NDST3: variants seen among roughly 807,000 people sequenced by gnomAD.
The protein encoded by NDST3 is N-deacetylase and N-sulfotransferase 3.
A neutral mutation model predicts 96.1 loss-of-function variants in NDST3; 58 were observed. That is an observed-to-expected ratio of 0.60 (90% confidence interval 0.49 to 0.75). The LOEUF (loss-of-function observed/expected upper bound fraction) is 0.75, where lower values mean the gene tolerates loss of function less well. Ranked by LOEUF, NDST3 falls within the 30% of genes least tolerant of loss-of-function variation. NDST3 has a pLI of 0.00. For synonymous variants in NDST3, 333 were observed against 359.7 expected (o/e 0.93, Z 0.84); for missense variants, 788 against 1,034.2 (o/e 0.76, Z 3.27).
chr4:118,047,221 T>C (rs1197155874), intron 1 of NDST3, among the ~76,000 whole-genome samples: 2 of 152,226 alleles, frequency 1.3e-5, no homozygotes, highest in Admixed American at 1.3e-4. Flanking sequence ...ATAGAGAGGC[T>C]TGGGCATGTG....
At chr4:118,152,046 T>C (rs1734434722) in intron 6 of NDST3, among the ~76,000 whole-genome samples, 1 of 152,230 alleles carries the variant, frequency 6.6e-6, no homozygotes, top group African/African-American at 2.4e-5. Flanking sequence ...ACCTAGTTTT[T>C]TATTTTGCAT....
intron 6 of NDST3, among the ~76,000 whole-genome samples, chr4:118,218,421 A>C (rs1393954513): frequency 6.6e-6 from 1 of 152,204 alleles, no homozygotes; most frequent in African/African-American, 2.4e-5. Flanking sequence ...CCATCACATA[A>C]ACAGAACCAA....
chr4:118,048,977 C>T (rs4328979), intron 1 of NDST3, among the ~76,000 whole-genome samples: 97,671 of 151,994 alleles, frequency 0.64, 34,618 homozygotes, highest in South Asian at 0.83. Context: ...TGTTTGTTCA[C>T]GAAGGAAGTC....
intron 1 of NDST3, among the ~76,000 whole-genome samples, chr4:118,040,869 A>T (rs1403119294): frequency 9.7e-5 from 5 of 51,330 alleles, no homozygotes; most frequent in East Asian, 1.7e-3. Flanking sequence ...ATATATTTTT[A>T]TATATATATA....
intron 4 of NDST3, among the ~76,000 whole-genome samples, chr4:118,125,726 C>T (rs4397073): frequency 0.79 from 119,624 of 151,958 alleles, 49,771 homozygotes; most frequent in South Asian, 0.92. Context: ...CTTTATTTTA[C>T]AATTTTTTAG....
At chr4:118,251,078 G>C (rs1444606022) in intron 12 of NDST3, among the ~76,000 whole-genome samples, 3 of 143,618 alleles carry the variant, frequency 2.1e-5, no homozygotes, top group African/African-American at 7.6e-5. Context: ...TATAATTTTA[G>C]CTATAAATTT....
intron 5 of NDST3, among the ~76,000 whole-genome samples, chr4:118,142,431 ACATT>A (rs1348075279): frequency 6.6e-6 from 1 of 151,940 alleles, no homozygotes; most frequent in Non-Finnish European, 1.5e-5. Context: ...ATTTTAATAC[ACATT>A]CAAACTAAAA....
At chr4:118,092,647 A>C (rs537315038) in intron 2 of NDST3, among the ~76,000 whole-genome samples, 1 of 151,756 alleles carries the variant, frequency 6.6e-6, no homozygotes, top group Non-Finnish European at 1.5e-5. Flanking sequence ...AACTACTCTA[A>C]ACTTCAGGTC....
At chr4:118,074,461 A>T (rs1727334494) in intron 2 of NDST3, among the ~76,000 whole-genome samples, 1 of 151,906 alleles carries the variant, frequency 6.6e-6, no homozygotes, top group South Asian at 2.1e-4. Flanking sequence ...AGGATAGTTA[A>T]CTCCTGTTGA....
rs2125918332 is a variant in NDST3, at chr4:118,154,093, C to A, written c.1539+10409C>A. ...TACACACACAGAGACACAACACACA[C>A]AGAGTTACACAATAAATGCTACACT... On this transcript the variant is annotated intron_variant, in intron 6 of 13. Transcript: ENST00000296499. 2.0e-5 allele frequency among the ~76,000 whole-genome samples: 3 copies of A among 152,148 alleles called. No individual in the cohort carries two copies. In the South Asian group the frequency reaches 6.2e-4, roughly 32 times the overall value.
chr4:118,104,099 TG>T lies in NDST3; in HGVS notation c.982-916del, dbSNP rs149477160. Among the ~76,000 whole-genome samples the T allele has an allele frequency of 1.3e-3, 197 of 152,264 alleles. 2 individuals are homozygous for T. In the East Asian group the frequency reaches 0.034, roughly 26 times the overall value. On this transcript the variant is annotated intron_variant, in intron 2 of 13. Coordinates refer to ENST00000296499, the MANE Select transcript of NDST3 (RefSeq NM_004784.3). ...TAATTAAGAAAATAAGATTTAGTTG[TG>T]GGCCCAACTGTATTAAGGAAAGGGA...
intron 2 of NDST3, among the ~76,000 whole-genome samples, chr4:118,061,127 G>C (rs200020966): frequency 2.0e-5 from 3 of 151,928 alleles, no homozygotes; most frequent in Admixed American, 1.3e-4. Flanking sequence ...TCTGCTACAC[G>C]CCCAGCTCCT....
intron 6 of NDST3, among the ~76,000 whole-genome samples, chr4:118,215,702 T>C (rs1739153108): frequency 6.6e-6 from 1 of 152,068 alleles, no homozygotes; most frequent in Non-Finnish European, 1.5e-5. Flanking sequence ...TGAAAGTAGA[T>C]GCGATGAAAA....
intron 8 of NDST3, among the ~76,000 whole-genome samples, chr4:118,230,088 T>A (rs534362281): frequency 5.6e-4 from 85 of 152,328 alleles, no homozygotes; most frequent in African/African-American, 2.0e-3. Context: ...AGCTGGTAAG[T>A]ACAAGAATAA....
At chr4:118,052,322 A>G (rs551597059) in intron 1 of NDST3, among the ~76,000 whole-genome samples, 45 of 152,158 alleles carry the variant, frequency 3.0e-4, no homozygotes, top group African/African-American at 9.6e-4. Context: ...TACAAGTGGG[A>G]GCTAAACCCT....
chr4:118,203,653 G>A (rs1738244008), intron 6 of NDST3, among the ~76,000 whole-genome samples: 1 of 151,982 alleles, frequency 6.6e-6, no homozygotes, highest in Admixed American at 6.5e-5. Context: ...TTGTTTCTTT[G>A]GAATGTTCCA....
At chr4:118,098,887 A>T (rs996269053) in intron 2 of NDST3, among the ~76,000 whole-genome samples, 5 of 152,092 alleles carry the variant, frequency 3.3e-5, no homozygotes, top group Admixed American at 3.3e-4. Context: ...GGCTCAATTT[A>T]AAAATATAGT....
At chr4:118,087,829 AG>A (rs1317759974) in intron 2 of NDST3, among the ~76,000 whole-genome samples, 4 of 152,126 alleles carry the variant, frequency 2.6e-5, no homozygotes, top group Admixed American at 6.6e-5. Context: ...TTCCAAGCTC[AG>A]AAGTCTAGAT....
chr4:118,194,693 A>G (rs1309224175), intron 6 of NDST3: 1 of 602,104 alleles, frequency 1.7e-6, no homozygotes, highest in Non-Finnish European at 3.1e-6. Flanking sequence ...CACTCCCTCC[A>G]TGGGAAGAGG....
Sources: allele counts gnomAD v4.1 joint callset (sites outside exome capture counted in the v4.1 genomes callset), GRCh38; gene constraint gnomAD v4.1.1; transcripts MANE v1.5; gene names NCBI Gene and HGNC (gene_info 2026-07-23, HGNC 2026-07-21).